The following LRRC4C variants were observed in gnomAD, a reference collection of about 807,000 sequenced individuals.
LRRC4C encodes the protein leucine rich repeat containing 4C.
A neutral mutation model predicts 33.6 loss-of-function variants in LRRC4C; 5 were observed. The ratio of observed to expected loss-of-function variants is 0.15; its 90% CI spans 0.08 to 0.31. The LOEUF (loss-of-function observed/expected upper bound fraction) is 0.31, where lower values mean the gene tolerates loss of function less well. Among genes scored for constraint, LRRC4C ranks in the 10% least tolerant of loss-of-function variants. The pLI is 1.00. For synonymous variants in LRRC4C, 329 were observed against 302.0 expected (o/e 1.09, Z -0.93); for missense variants, 560 against 796.7 (o/e 0.70, Z 3.58).
chr11:41,071,805 C>G (rs1376468305), intron 1 of LRRC4C, among the ~76,000 whole-genome samples: 1 of 152,166 alleles, frequency 6.6e-6, no homozygotes, highest in African/African-American at 2.4e-5. Flanking sequence ...GGAAAGGATT[C>G]TCTATTCTAG....
intron 1 of LRRC4C, among the ~76,000 whole-genome samples, chr11:41,142,745 G>A (rs1943564097): frequency 6.6e-6 from 1 of 152,106 alleles, no homozygotes. Context: ...TCTATGTTTT[G>A]ATGCAAAAGA....
intron 2 of LRRC4C, among the ~76,000 whole-genome samples, chr11:40,906,497 C>T (rs371293904): frequency 2.0e-5 from 3 of 152,044 alleles, no homozygotes; most frequent in Admixed American, 6.6e-5. Context: ...GGTGACAGAG[C>T]GAGACTCCAT....
chr11:40,373,588 A>G (rs1948545370), intron 3 of LRRC4C, among the ~76,000 whole-genome samples: 1 of 152,152 alleles, frequency 6.6e-6, no homozygotes, highest in African/African-American at 2.4e-5. Context: ...CCCTGCCAAA[A>G]TTTCATATTG....
chr11:40,861,462 T>C (rs1178916452), intron 2 of LRRC4C, among the ~76,000 whole-genome samples: 1 of 152,124 alleles, frequency 6.6e-6, no homozygotes, highest in Non-Finnish European at 1.5e-5. Context: ...TTTCATTCCA[T>C]TACCAAAAAC....
intron 1 of LRRC4C, among the ~76,000 whole-genome samples, chr11:41,256,956 G>A (rs1948821394): frequency 6.6e-6 from 1 of 151,920 alleles, no homozygotes; most frequent in Non-Finnish European, 1.5e-5. Flanking sequence ...GATGATCATA[G>A]GTTATTGGCA....
At chr11:40,239,556 A>C (rs1438858760) in intron 5 of LRRC4C, among the ~76,000 whole-genome samples, 1 of 152,196 alleles carries the variant, frequency 6.6e-6, no homozygotes, top group Non-Finnish European at 1.5e-5. Flanking sequence ...AAGATTCTTA[A>C]TGCAGCATTC....
At chr11:41,270,545 T>G (rs1263503967) in intron 1 of LRRC4C, among the ~76,000 whole-genome samples, 3 of 152,032 alleles carry the variant, frequency 2.0e-5, no homozygotes, top group Non-Finnish European at 4.4e-5. Context: ...GCCTCTTAGG[T>G]GCCTCTTCAC....
At chr11:41,419,775 A>G (rs1023739845) in intron 1 of LRRC4C, among the ~76,000 whole-genome samples, 62 of 151,914 alleles carry the variant, frequency 4.1e-4, no homozygotes, top group African/African-American at 1.5e-3. Context: ...ACAGAGGTAA[A>G]GTCACATATG....
In LRRC4C at chr11:40,114,307, G is replaced by T; in HGVS notation, c.*63C>A. Reference sequence around the variant, plus strand: ...AACAGTAGATTTAGCCCAGTCATTTGTGTCATTTTTAATAAACTGTCTTTT... The same window carrying T: ...AACAGTAGATTTAGCCCAGTCATTTTTGTCATTTTTAATAAACTGTCTTTT... On this transcript the variant is annotated 3_prime_UTR_variant, in exon 7 of 7. Transcript: ENST00000528697. The T allele has an allele frequency of 6.8e-7, 1 of 1,470,580 alleles. No homozygotes were observed. Among genetic ancestry groups the T allele is most frequent in the African/African-American group, 1.4e-5 (1 of 70,800 alleles). The allele number at this position is 1,470,580 out of a possible 1,614,324, so 91.1% of individuals were successfully genotyped here.
At chr11:40,486,701 C>G (rs1953881219) in intron 3 of LRRC4C, among the ~76,000 whole-genome samples, 1 of 151,906 alleles carries the variant, frequency 6.6e-6, no homozygotes. Context: ...TCCAACCTTT[C>G]AATTGGTTAA....
At chr11:40,591,194 A>C (rs1163868857) in intron 3 of LRRC4C, among the ~76,000 whole-genome samples, 1 of 152,078 alleles carries the variant, frequency 6.6e-6, no homozygotes, top group Non-Finnish European at 1.5e-5. Context: ...GCCATTTTTT[A>C]AGCCCGTCGG....
chr11:40,943,760 A>C (rs1173218325), intron 1 of LRRC4C, among the ~76,000 whole-genome samples: 3 of 152,202 alleles, frequency 2.0e-5, no homozygotes, highest in African/African-American at 7.2e-5. Context: ...CTTCATTCTT[A>C]TGTGGAATAC....
chr11:40,624,938 G>A lies in LRRC4C; in HGVS notation c.-270+23204C>T, dbSNP rs140067694. On this transcript the variant is annotated intron_variant, in intron 3 of 6. Transcript: ENST00000528697. Reference sequence around the variant, plus strand: ...TTAGCAAAACCAACAAATTTCTGAGGCCATAGTAAGCTCAAAGGAATAAAT... The same window carrying A: ...TTAGCAAAACCAACAAATTTCTGAGACCATAGTAAGCTCAAAGGAATAAAT... 7.9e-3 allele frequency among the ~76,000 whole-genome samples: 1,204 copies of A among 151,964 alleles called. 10 individuals are homozygous for A. Among genetic ancestry groups the A allele is most frequent in the Non-Finnish European group, 0.013 (863 of 67,942 alleles).
chr11:40,835,075 T>C (rs1952610226), intron 2 of LRRC4C, among the ~76,000 whole-genome samples: 1 of 152,080 alleles, frequency 6.6e-6, no homozygotes, highest in Non-Finnish European at 1.5e-5. Flanking sequence ...AGGACTATAG[T>C]TTTCAGTAGG....
chr11:40,687,598 T>C (rs1387199910), intron 2 of LRRC4C, among the ~76,000 whole-genome samples: 1 of 152,130 alleles, frequency 6.6e-6, no homozygotes, highest in Non-Finnish European at 1.5e-5. Flanking sequence ...TAAAGAAATA[T>C]TTCTTTGCCC....
Position 40,148,377 on chromosome 11 carries a change from G to A in LRRC4C, c.-95-7524C>T, listed in dbSNP as rs533938989. Among the ~76,000 whole-genome samples the A allele has an allele frequency of 2.0e-5, 3 of 152,152 alleles. No individual in the cohort carries two copies. The East Asian group carries it at 5.8e-4, about 29-fold the overall frequency. Reference sequence around the variant, plus strand: ...TTTGACTTTTTATAATAGCCATTCTGACTGGTGTGAGATGATATCTCACTG... The same window carrying A: ...TTTGACTTTTTATAATAGCCATTCTAACTGGTGTGAGATGATATCTCACTG... On this transcript the variant is annotated intron_variant, in intron 5 of 6. Transcript: ENST00000528697.
intron 2 of LRRC4C, among the ~76,000 whole-genome samples, chr11:40,910,606 A>G (rs2136262896): frequency 6.6e-6 from 1 of 152,316 alleles, no homozygotes; most frequent in Admixed American, 6.5e-5. Flanking sequence ...GCTCCAGTCT[A>G]CAGCTCCCAG....
intron 3 of LRRC4C, among the ~76,000 whole-genome samples, chr11:40,641,783 G>T (rs1328972351): frequency 2.0e-5 from 3 of 152,156 alleles, no homozygotes; most frequent in Non-Finnish European, 4.4e-5. Context: ...CCTGGTCCAA[G>T]AGTGAAGTGC....
intron 3 of LRRC4C, among the ~76,000 whole-genome samples, chr11:40,462,869 C>T (rs1346265324): frequency 6.6e-6 from 1 of 151,796 alleles, no homozygotes; most frequent in Non-Finnish European, 1.5e-5. Flanking sequence ...CCTAAAGAAC[C>T]TAAATGGATG....
Sources: allele counts gnomAD v4.1 joint callset (sites outside exome capture counted in the v4.1 genomes callset), GRCh38; gene constraint gnomAD v4.1.1; transcripts MANE v1.5; gene names NCBI Gene and HGNC (gene_info 2026-07-23, HGNC 2026-07-21).